ARHGAP28: variants seen among roughly 807,000 people sequenced by gnomAD.
ARHGAP28 encodes the protein Rho GTPase activating protein 28, also known as rho GTPase-activating protein 28.
ARHGAP28 carries 56 observed loss-of-function variants against 90.7 expected under a neutral mutation model. That is an observed-to-expected ratio of 0.62 (90% CI 0.50 to 0.77). The LOEUF (loss-of-function observed/expected upper bound fraction) is 0.77, where lower values mean the gene tolerates loss of function less well. Among genes scored for constraint, ARHGAP28 ranks in the 30% least tolerant of loss-of-function variants. ARHGAP28 has a pLI of 0.00. For synonymous variants in ARHGAP28, 308 were observed against 323.3 expected (o/e 0.95, Z 0.51); for missense variants, 869 against 900.9 (o/e 0.96, Z 0.45).
intron 3 of ARHGAP28, among the ~76,000 whole-genome samples, chr18:6,845,810 TA>T (rs1459591325): frequency 7.2e-5 from 11 of 152,196 alleles, no homozygotes; most frequent in African/African-American, 2.4e-4. Context: ...ACTCTAAATG[TA>T]AATATCATGG....
At chr18:6,788,153 A>G (rs959849160) in intron 1 of ARHGAP28, among the ~76,000 whole-genome samples, 2 of 152,028 alleles carry the variant, frequency 1.3e-5, no homozygotes, top group African/African-American at 4.8e-5. Flanking sequence ...AGTTCTCATG[A>G]GCAGTTTAGC....
intron 1 of ARHGAP28, among the ~76,000 whole-genome samples, chr18:6,812,840 T>A (rs1406791347): frequency 6.6e-6 from 1 of 152,218 alleles, no homozygotes; most frequent in African/African-American, 2.4e-5. Context: ...TACTGATCTG[T>A]GCCTTTCTTT....
At chr18:6,872,229 A>G (rs899997525) in intron 7 of ARHGAP28, among the ~76,000 whole-genome samples, 3 of 152,204 alleles carry the variant, frequency 2.0e-5, no homozygotes, top group African/African-American at 4.8e-5. Flanking sequence ...AGAACTTTGC[A>G]TAGGATTTAG....
At chr18:6,804,601 T>C (rs771395934) in intron 1 of ARHGAP28, among the ~76,000 whole-genome samples, 1 of 152,230 alleles carries the variant, frequency 6.6e-6, no homozygotes, top group Non-Finnish European at 1.5e-5. Context: ...CCACAAATTT[T>C]GTTATGGTAC....
rs571318148 is a variant in ARHGAP28, at chr18:6,894,156, C to G, written c.1849-679C>G. Among the ~76,000 whole-genome samples the G allele has an allele frequency of 3.9e-5, 6 of 152,244 alleles. No individual in the cohort carries two copies. The South Asian group carries it at 6.2e-4, about 16-fold the overall frequency. On this transcript the variant is annotated intron_variant, in intron 14 of 17. Transcript: ENST00000383472. ...TGCTAGGATTACAGGCATGAGCCAC[C>G]ATGCCCAGCCACTATATTGTGTTTT...
chr18:6,779,900 CACTA>C (rs1391117386), intron 1 of ARHGAP28, among the ~76,000 whole-genome samples: 3 of 152,204 alleles, frequency 2.0e-5, no homozygotes, highest in Non-Finnish European at 2.9e-5. Flanking sequence ...CTCGAAATGT[CACTA>C]ACTTTGAACC....
chr18:6,854,752 CCCACCTGCAGCT>C (rs2056939006), intron 4 of ARHGAP28, among the ~76,000 whole-genome samples: 1 of 41,228 alleles, frequency 2.4e-5, no homozygotes, highest in Non-Finnish European at 9.1e-5. Context: ...GCTGCAGCTG[CCCACCTGCAGCT>C]GCCCACCTGC....
At chr18:6,852,999 G>A (rs1052756902) in intron 4 of ARHGAP28, among the ~76,000 whole-genome samples, 1 of 152,134 alleles carries the variant, frequency 6.6e-6, no homozygotes, top group Non-Finnish European at 1.5e-5. Flanking sequence ...GCCATGGGGT[G>A]ATGCCAGGGC....
In ARHGAP28 at chr18:6,873,795, A is replaced by C. The variant is rs755172611; in HGVS notation, c.1212+20A>C. 2 of 1,596,394 alleles carry C rather than the reference A, an allele frequency of 1.3e-6. No homozygotes were observed. Among genetic ancestry groups the C allele is most frequent in the South Asian group, 1.1e-5 (1 of 90,216 alleles). On this transcript the variant is annotated intron_variant, in intron 9 of 17. Transcript: ENST00000383472. The stretch of plus-strand genomic sequence containing the variant: ...CAAAAAGTGAGTAGCAGGCAAATGA[A>C]AGGGGAATTCACAGAGCCTCATGCT...
chr18:6,881,094 T>C (rs1240692549), intron 10 of ARHGAP28, among the ~76,000 whole-genome samples: 1 of 152,208 alleles, frequency 6.6e-6, no homozygotes, highest in Non-Finnish European at 1.5e-5. Flanking sequence ...ATCATGCGTA[T>C]CTCTGCAAGA....
At chr18:6,862,633 CCTT>C (rs1297785431) in intron 5 of ARHGAP28, among the ~76,000 whole-genome samples, 2 of 152,068 alleles carry the variant, frequency 1.3e-5, no homozygotes, top group African/African-American at 4.8e-5. Context: ...TTCCTTTGGC[CCTT>C]CTTAGAAATT....
At chr18:6,782,590 G>T (rs1230766208) in intron 1 of ARHGAP28, among the ~76,000 whole-genome samples, 431 of 20,806 alleles carry the variant, frequency 0.021, 1 homozygote, top group African/African-American at 0.04. Context: ...GCTAATTTTT[G>T]TATTTTTTTT....
At chr18:6,797,309 G>A (rs1410691217) in intron 1 of ARHGAP28, among the ~76,000 whole-genome samples, 2 of 152,154 alleles carry the variant, frequency 1.3e-5, no homozygotes, top group Admixed American at 1.3e-4. Flanking sequence ...CTGTCACTTG[G>A]AGACTGGAAA....
intron 17 of ARHGAP28, among the ~76,000 whole-genome samples, chr18:6,909,306 T>C (rs868717413): frequency 3.4e-5 from 5 of 147,276 alleles, no homozygotes; most frequent in Non-Finnish European, 6.0e-5. Flanking sequence ...TTTTCTTTTT[T>C]TTTTGAGACA....
intron 16 of ARHGAP28, among the ~76,000 whole-genome samples, chr18:6,906,900 G>A (rs575854066): frequency 6.6e-6 from 1 of 152,126 alleles, no homozygotes; most frequent in Admixed American, 6.5e-5. Flanking sequence ...CTAGTATCTA[G>A]AATATATAAA....
chr18:6,841,183 CTCTCT>C (rs1567966604), intron 3 of ARHGAP28, among the ~76,000 whole-genome samples: 9 of 49,686 alleles, frequency 1.8e-4, no homozygotes, highest in Non-Finnish European at 2.5e-4. Flanking sequence ...TCTCTCTCCT[CTCTCT>C]CTCTCTCTCT....
chr18:6,782,592 ATT>A (rs10602816), intron 1 of ARHGAP28, among the ~76,000 whole-genome samples: 2 of 26,692 alleles, frequency 7.5e-5, no homozygotes, highest in Non-Finnish European at 8.1e-5. Flanking sequence ...TAATTTTTGT[ATT>A]TTTTTTTTTT....
intron 1 of ARHGAP28, among the ~76,000 whole-genome samples, chr18:6,748,348 G>C (rs114830252): frequency 0.01 from 1,595 of 152,330 alleles, 41 homozygotes; most frequent in African/African-American, 0.036. Context: ...ACAGTATTAA[G>C]AGTGTTTCTC....
At chr18:6,898,637 A>G (rs1384006096) in intron 16 of ARHGAP28, 7 of 1,537,626 alleles carry the variant, frequency 4.6e-6, no homozygotes, top group Non-Finnish European at 6.1e-6. Flanking sequence ...ACTTTTAGTT[A>G]CATATACTAC....
Sources: allele counts gnomAD v4.1 joint callset (sites outside exome capture counted in the v4.1 genomes callset), GRCh38; gene constraint gnomAD v4.1.1; transcripts MANE v1.5; gene names NCBI Gene and HGNC (gene_info 2026-07-23, HGNC 2026-07-21).